AFF2: variants seen among roughly 807,000 people sequenced by gnomAD.
AFF2 encodes the protein ALF transcription elongation factor 2, also known as AF4/FMR2 family member 2.
Under a neutral mutation model 76.9 loss-of-function variants are expected in AFF2, and 14 were observed. The observed-to-expected ratio is 0.18, with a 90% CI of 0.12 to 0.28. The LOEUF is 0.28. AFF2 is among the 10% of genes least tolerant of loss of function. AFF2 has a pLI of 1.00. For synonymous variants in AFF2, 398 were observed against 366.7 expected, an observed-to-expected ratio of 1.09 and a Z score of -0.98; for missense variants, 868 against 1,001.1, an observed-to-expected ratio of 0.87 and a Z score of 1.79.
chrX:148,629,778 C>T (rs1334539910), intron 1 of AFF2, among the ~76,000 whole-genome samples: 5 of 111,473 alleles, frequency 4.5e-5, no homozygotes, highest in African/African-American at 6.5e-5. Context: ...TCTAGTCCGG[C>T]TCCCTGTCAG....
intron 7 of AFF2, among the ~76,000 whole-genome samples, chrX:148,867,858 A>T (rs947584207): frequency 2.7e-5 from 3 of 111,421 alleles, no homozygotes; most frequent in Admixed American, 1.9e-4. Flanking sequence ...ACTTCCTAGA[A>T]CACAGGTCCA....
chrX:148,695,771 T>A (rs1207988632), intron 3 of AFF2, among the ~76,000 whole-genome samples: 2 of 112,456 alleles, frequency 1.8e-5, no homozygotes, highest in African/African-American at 3.2e-5. Flanking sequence ...GTTCCTTTTT[T>A]AACATGTAGT....
At chrX:148,870,918 T>G (rs995350817) in intron 7 of AFF2, among the ~76,000 whole-genome samples, 12 of 111,458 alleles carry the variant, frequency 1.1e-4, no homozygotes, top group African/African-American at 3.9e-4. Flanking sequence ...GTGTTTTCCT[T>G]TAGCCAGGTC....
At position 148,581,318 on chromosome X, in the gene AFF2, G is replaced by A. The variant is rs782384553; in HGVS notation, c.48-70681G>A. On this transcript the variant is annotated intron_variant, in intron 1 of 20. Transcript: ENST00000370460. ...CGTGTACACACATATACGTATACGT[G>A]TACACACATATATACGTATACGTAT... 3.5e-3 allele frequency among the ~76,000 whole-genome samples: 90 copies of A among 25,376 alleles called. 3 individuals carry two copies. Among genetic ancestry groups the A allele is most frequent in the East Asian group, 0.062 (1 of 16 alleles). The allele number at this position is 25,376 out of a possible 115,157, so 22.0% of individuals were successfully genotyped here. A position where few individuals can be genotyped will look rare whatever the true frequency, so the allele number is the denominator to read the frequency against.
At chrX:148,556,480 T>C (rs782503276) in intron 1 of AFF2, among the ~76,000 whole-genome samples, 7 of 112,070 alleles carry the variant, frequency 6.2e-5, no homozygotes, top group Admixed American at 5.7e-4. Context: ...ATATTTGAGT[T>C]CCACATAATG....
intron 1 of AFF2, among the ~76,000 whole-genome samples, chrX:148,568,681 ATTAG>A (rs2053196719): frequency 8.9e-6 from 1 of 112,107 alleles, no homozygotes; most frequent in African/African-American, 3.2e-5. Flanking sequence ...ATGTCAATAT[ATTAG>A]TTAGTGGTGG....
chrX:148,708,723 A>G (rs1274507814), intron 3 of AFF2, among the ~76,000 whole-genome samples: 2 of 112,325 alleles, frequency 1.8e-5, no homozygotes, highest in African/African-American at 6.5e-5. Flanking sequence ...CAAAAACAAA[A>G]CAAAACAAAA....
intron 1 of AFF2, among the ~76,000 whole-genome samples, chrX:148,601,886 T>C (rs1192751057): frequency 2.7e-5 from 3 of 112,119 alleles, no homozygotes; most frequent in African/African-American, 9.7e-5. Flanking sequence ...ATGGCCAATA[T>C]ATTGATTATT....
rs1308552862 is a variant in AFF2, at chrX:148,795,836, T to A, written c.1042-14040T>A. ...AAAAAAAAAAAAAAAAAAAAAAATATATATATATATATATATATATATATA... is the reference window on the plus strand; with the variant it reads ...AAAAAAAAAAAAAAAAAAAAAAATAAATATATATATATATATATATATATA... On this transcript the variant is annotated intron_variant, in intron 3 of 20. Transcript: ENST00000370460. Among the ~76,000 whole-genome samples the A allele has an allele frequency of 7.5e-3, 78 of 10,372 alleles. 1 individual carries two copies. The highest frequency in any genetic ancestry group is 9.6e-3 in the African/African-American group (22 of 2,302). The allele number at this position is 10,372 out of a possible 115,157, so 9.0% of individuals were successfully genotyped here.
chrX:148,703,050 A>T (rs2054823291), intron 3 of AFF2, among the ~76,000 whole-genome samples: 1 of 111,765 alleles, frequency 8.9e-6, no homozygotes, highest in Non-Finnish European at 1.9e-5. Context: ...TTATAGTAAA[A>T]CCAGTGAGAA....
intron 1 of AFF2, among the ~76,000 whole-genome samples, chrX:148,637,710 T>TA (rs1557254055): frequency 8.9e-6 from 1 of 112,586 alleles, no homozygotes; most frequent in East Asian, 2.8e-4. Flanking sequence ...TAATATTTTT[T>TA]ACATACTAAG....
intron 4 of AFF2, among the ~76,000 whole-genome samples, chrX:148,821,251 A>C (rs1370676864): frequency 3.6e-5 from 4 of 111,531 alleles, no homozygotes; most frequent in Non-Finnish European, 7.5e-5. Context: ...GAGATGATGC[A>C]TATGAAACCT....
chrX:148,653,953 G>A (rs1424749518), intron 2 of AFF2, among the ~76,000 whole-genome samples: 1 of 111,549 alleles, frequency 9.0e-6, no homozygotes, highest in Non-Finnish European at 1.9e-5. Flanking sequence ...TTGGATATAT[G>A]GGTCTGAAAC....
At chrX:148,752,804 C>T (rs2055517246) in intron 3 of AFF2, among the ~76,000 whole-genome samples, 2 of 111,687 alleles carry the variant, frequency 1.8e-5, no homozygotes, top group African/African-American at 3.3e-5. Context: ...ATAGCTTTTT[C>T]GTTATACTAT....
intron 3 of AFF2, among the ~76,000 whole-genome samples, chrX:148,695,991 AT>A (rs782745741): frequency 5.6e-4 from 63 of 112,078 alleles, no homozygotes; most frequent in Non-Finnish European, 1.1e-3. Flanking sequence ...CCTTAATGAG[AT>A]TTAGAAAAGC....
At chrX:148,516,596 A>G (rs1335143674) in intron 1 of AFF2, among the ~76,000 whole-genome samples, 1 of 111,919 alleles carries the variant, frequency 8.9e-6, no homozygotes, top group African/African-American at 3.3e-5. Flanking sequence ...CACTTTCCAT[A>G]CATAAACTAT....
At chrX:148,573,483 G>T (rs1236660332) in intron 1 of AFF2, among the ~76,000 whole-genome samples, 2 of 110,857 alleles carry the variant, frequency 1.8e-5, no homozygotes, top group Non-Finnish European at 3.8e-5. Context: ...CTAACCTCTT[G>T]GTCTTTAAAA....
At chrX:148,867,875 G>T (rs1371147260) in intron 7 of AFF2, among the ~76,000 whole-genome samples, 2 of 111,288 alleles carry the variant, frequency 1.8e-5, no homozygotes, top group African/African-American at 3.3e-5. Context: ...TCCACACAAT[G>T]AAAAAGTCAC....
In AFF2 at chrX:148,694,565, G is replaced by T. The variant is rs1485685792; in HGVS notation, c.1041+31797G>T. On this transcript the variant is annotated intron_variant, in intron 3 of 20. Transcript: ENST00000370460. ...TTTTTTAGTGTTTTCAGTCTTAAAAGAAAACATTGGCTTTGTTGTGCCCAA... is the reference window on the plus strand; with the variant it reads ...TTTTTTAGTGTTTTCAGTCTTAAAATAAAACATTGGCTTTGTTGTGCCCAA... 3.6e-5 allele frequency among the ~76,000 whole-genome samples: 4 copies of T among 111,356 alleles called. No individual in the cohort carries two copies. In the East Asian group the frequency reaches 1.1e-3, roughly 32 times the overall value.
Sources: allele counts gnomAD v4.1 joint callset (sites outside exome capture counted in the v4.1 genomes callset), GRCh38; gene constraint gnomAD v4.1.1; transcripts MANE v1.5; gene names NCBI Gene and HGNC (gene_info 2026-07-23, HGNC 2026-07-21).